Variants in NCOA3 observed in about 807,000 individuals in gnomAD.
NCOA3 encodes the protein nuclear receptor coactivator 3, also known as CBP-interacting protein.
NCOA3 carries 51 observed loss-of-function variants against 158.8 expected under a neutral mutation model. That is an observed-to-expected ratio of 0.32 (90% CI 0.26 to 0.41). The LOEUF is 0.41. NCOA3 is among the 10% of genes least tolerant of loss of function. The pLI is 1.00. For synonymous variants in NCOA3, 537 were observed against 592.4 expected, an observed-to-expected ratio of 0.91 and a Z score of 1.36; for missense variants, 1,510 against 1,746.6, an observed-to-expected ratio of 0.86 and a Z score of 2.41.
In NCOA3 at chr20:47,558,216, G is replaced by A. The variant is rs1458410587; in HGVS notation, c.-98-24967G>A. Among the ~76,000 whole-genome samples, 14 of 137,384 alleles carry A rather than the reference G, an allele frequency of 1.0e-4. No individual in the cohort carries two copies. In the East Asian group the frequency reaches 2.5e-3, roughly 25 times the overall value. 90.1% of individuals were successfully genotyped at this position (137,384 alleles called of 152,430 possible). On this transcript the variant is annotated intron_variant, in intron 1 of 22. Transcript: ENST00000371998. ...TAGGATTATAGGCATGCACCTCCAC[G>A]CCCAGCTAATTTTGTATTTTTTTTT...
intron 2 of NCOA3, among the ~76,000 whole-genome samples, chr20:47,613,685 G>A (rs1055906737): frequency 2.0e-5 from 3 of 152,044 alleles, no homozygotes; most frequent in Non-Finnish European, 2.9e-5. Flanking sequence ...GGCTGAGGCC[G>A]GTGGATCATG....
At chr20:47,584,454 T>C (rs1263420184) in intron 2 of NCOA3, among the ~76,000 whole-genome samples, 1 of 152,024 alleles carries the variant, frequency 6.6e-6, no homozygotes, top group Non-Finnish European at 1.5e-5. Context: ...GCTCCGTCTC[T>C]ACTAAAAATA....
intron 2 of NCOA3, among the ~76,000 whole-genome samples, chr20:47,621,344 T>C (rs2086237407): frequency 6.6e-6 from 1 of 152,172 alleles, no homozygotes; most frequent in African/African-American, 2.4e-5. Context: ...TCTGTCTTCC[T>C]TCCTGGTAGC....
chr20:47,525,474 CG>C (rs1173833200), intron 1 of NCOA3, among the ~76,000 whole-genome samples: 2 of 150,662 alleles, frequency 1.3e-5, no homozygotes, highest in African/African-American at 4.9e-5. Context: ...GGGTGGTGGC[CG>C]GGCAGAGGGG....
intron 19 of NCOA3, among the ~76,000 whole-genome samples, chr20:47,650,029 T>C (rs1244789506): frequency 6.6e-6 from 1 of 152,006 alleles, no homozygotes; most frequent in Non-Finnish European, 1.5e-5. Flanking sequence ...GCTTCATGTT[T>C]CAGCCCTCCA....
intron 2 of NCOA3, among the ~76,000 whole-genome samples, chr20:47,599,350 G>A (rs1291207880): frequency 6.6e-6 from 1 of 152,050 alleles, no homozygotes; most frequent in African/African-American, 2.4e-5. Context: ...GGGCAGGGGT[G>A]AATAGGTGGA....
chr20:47,536,088 TAG>T (rs1491457557), intron 1 of NCOA3, among the ~76,000 whole-genome samples: 2 of 152,134 alleles, frequency 1.3e-5, no homozygotes, highest in Non-Finnish European at 2.9e-5. Context: ...GAGCACAAGA[TAG>T]GGGGGCATGG....
In NCOA3 at chr20:47,594,070, G is replaced by GT. The variant is rs1185928708; in HGVS notation, c.-20+10812dup. Among the ~76,000 whole-genome samples the GT allele has an allele frequency of 4.1e-4, 62 of 152,094 alleles. 1 individual carries two copies. Among genetic ancestry groups the GT allele is most frequent in the Admixed American group, 3.9e-3 (59 of 15,264 alleles). On this transcript the variant is annotated intron_variant, in intron 2 of 22. Transcript: ENST00000371998. The stretch of plus-strand genomic sequence containing the variant: ...AACAACTTAAGTGAATTGTTTTTAG[G>GT]TTTGTATTGCCTTATGTATAAAAAT...
At chr20:47,652,853 T>C in intron 21 of NCOA3, 78 bp from the exon 22 acceptor site, 2 of 1,479,602 alleles carry the variant, frequency 1.4e-6, no homozygotes, top group Non-Finnish European at 1.9e-6. Context: ...TTTGACACAA[T>C]TGTAGTAATT....
intron 1 of NCOA3, among the ~76,000 whole-genome samples, chr20:47,578,053 A>G (rs1003111982): frequency 1.1e-4 from 17 of 152,294 alleles, no homozygotes; most frequent in African/African-American, 2.2e-4. Context: ...TGTCTTACCA[A>G]TGTTCTCCTG....
At chr20:47,545,433 TC>T (rs1177420936) in intron 1 of NCOA3, among the ~76,000 whole-genome samples, 1 of 152,128 alleles carries the variant, frequency 6.6e-6, no homozygotes, top group Non-Finnish European at 1.5e-5. Flanking sequence ...TGCTTTGGCC[TC>T]CCAAAGTGCT....
At chr20:47,637,901 T>C in intron 13 of NCOA3, 118 bp downstream of exon 13, 1 of 898,824 alleles carries the variant, frequency 1.1e-6, no homozygotes, top group Non-Finnish European at 1.6e-6. Context: ...AGAACATATA[T>C]TCTGCCTCTG....
In NCOA3 at chr20:47,625,343, T is replaced by C. The variant is rs772773507; in HGVS notation, c.257-38T>C. ...CGAAGGTGATTTAATCTATAACTGATAGTGTGTTATTCGTTATACCACCTT... is the reference window on the plus strand; with the variant it reads ...CGAAGGTGATTTAATCTATAACTGACAGTGTGTTATTCGTTATACCACCTT... On this transcript the variant is annotated intron_variant, in intron 4 of 22. Coordinates refer to ENST00000371998, the MANE Select transcript of NCOA3 (RefSeq NM_181659.3). The C allele has an allele frequency of 2.4e-5, 33 of 1,353,702 alleles. No individual in the cohort carries two copies. In the South Asian group the frequency reaches 3.7e-4, roughly 15 times the overall value. 83.9% of individuals were successfully genotyped at this position (1,353,702 alleles called of 1,614,324 possible). A position where few individuals can be genotyped will look rare whatever the true frequency, so the allele number is the denominator to read the frequency against.
chr20:47,601,285 AT>A (rs1319874616), intron 2 of NCOA3, among the ~76,000 whole-genome samples: 3 of 152,238 alleles, frequency 2.0e-5, no homozygotes, highest in Non-Finnish European at 4.4e-5. Context: ...TGAGAAAGGC[AT>A]TAATCCATCT....
chr20:47,510,072 C>A (rs2084092141), intron 1 of NCOA3, among the ~76,000 whole-genome samples: 1 of 152,024 alleles, frequency 6.6e-6, no homozygotes, highest in African/African-American at 2.4e-5. Flanking sequence ...AGGACTGTTA[C>A]CATATTAAGT....
intron 2 of NCOA3, among the ~76,000 whole-genome samples, chr20:47,606,242 G>T (rs572101776): frequency 1.4e-4 from 21 of 152,210 alleles, no homozygotes; most frequent in Non-Finnish European, 2.4e-4. Flanking sequence ...GGCTCTCAAC[G>T]TGTGGTGCGT....
At chr20:47,648,922 T>C in intron 18 of NCOA3, 83 bp from the exon 19 acceptor site, 4 of 751,084 alleles carry the variant, frequency 5.3e-6, no homozygotes, top group East Asian at 5.1e-5. Flanking sequence ...TATTACCTCA[T>C]TGGCTGGTGC....
rs901969213 is a variant in NCOA3, at chr20:47,639,141, A to G, written c.2646A>G (p.Gln882=). 2 of 1,614,066 alleles carry G rather than the reference A, an allele frequency of 1.2e-6. No individual in the cohort carries two copies. The highest frequency in any genetic ancestry group is 2.7e-5 in the African/African-American group (2 of 74,916). ...GTGCTTTCCCCATGTTACCAAAGCA[A>G]CCCATGTTGGGTGGGAATCCAAGAA... ...NISAFPMLPK[Q]PMLGGNPRMM... is the part of the protein sequence containing the mutation. Residue 882 remains glutamine (Q), a synonymous_variant, in exon 14 of 23, where the codon CAA becomes CAG. Transcript: ENST00000371998.
intron 2 of NCOA3, among the ~76,000 whole-genome samples, chr20:47,590,353 C>A (rs2085608972): frequency 6.6e-6 from 1 of 152,132 alleles, no homozygotes; most frequent in African/African-American, 2.4e-5. Context: ...TGGGGTCTCA[C>A]TCTCTTGACC....
Sources: gnomAD v4.1 joint callset for allele counts (sites outside exome capture counted in the v4.1 genomes callset) on GRCh38, gnomAD v4.1.1 for gene constraint, MANE v1.5 for transcripts, NCBI Gene and HGNC (gene_info 2026-07-23, HGNC 2026-07-21) for gene names.